The following PCM1 variants were observed in gnomAD, a reference collection of about 807,000 sequenced individuals.
The protein encoded by PCM1 is pericentriolar material 1.
A neutral mutation model predicts 241.9 loss-of-function variants in PCM1; 157 were observed. That is an observed-to-expected ratio of 0.65 (90% CI 0.57 to 0.74). PCM1 has a LOEUF of 0.74. Ranked by LOEUF, PCM1 falls within the 30% of genes least tolerant of loss-of-function variation. PCM1 has a pLI of 0.00. For missense variants in PCM1, 3,478 were observed against 2,360.1 expected (o/e 1.47, Z -9.81); for synonymous variants, 1,085 against 784.9 (o/e 1.38, Z -6.39).
intron 6 of PCM1, among the ~76,000 whole-genome samples, chr8:17,943,196 T>G (rs2062738031): frequency 6.6e-6 from 1 of 150,430 alleles, no homozygotes; most frequent in African/African-American, 2.4e-5. Flanking sequence ...TTTTTTTTTT[T>G]GGTGTGTGTG....
intron 23 of PCM1, 67 bp downstream of exon 23, chr8:17,972,754 CATAGAT>C (rs2077263732): frequency 6.3e-6 from 6 of 945,458 alleles, no homozygotes; most frequent in Admixed American, 3.1e-5. Flanking sequence ...GACATGTTGA[CATAGAT>C]ATAGTTTCAG....
At chr8:17,923,505 ATAC>A (rs1450196621) in intron 1 of PCM1, among the ~76,000 whole-genome samples, 1 of 152,082 alleles carries the variant, frequency 6.6e-6, no homozygotes, top group Non-Finnish European at 1.5e-5. Context: ...GGCTCCGGCT[ATAC>A]CCCTTGCGGG....
At chr8:17,936,339 G>A (rs1227166273) in intron 3 of PCM1, among the ~76,000 whole-genome samples, 2 of 151,914 alleles carry the variant, frequency 1.3e-5, no homozygotes, top group Non-Finnish European at 2.9e-5. Context: ...AAAGAAGGGG[G>A]TTTTGTTAAA....
intron 2 of PCM1, among the ~76,000 whole-genome samples, 197 bp from the exon 3 acceptor site, chr8:17,935,392 C>T (rs1166136836): frequency 6.6e-6 from 1 of 152,186 alleles, no homozygotes; most frequent in African/African-American, 2.4e-5. Context: ...CTCTGTCATT[C>T]CAACTACCTA....
rs750077281 is a variant in PCM1 at position 17,980,702 on chromosome 8, A to T, written c.4055A>T (p.His1352Leu). ...GCAAAAGTATTCAGCAGAAAGAATC[A>T]TGAGCAACTGGAAAAAATAATAAAA... The part of the protein sequence containing the change: ...VQAKVFSRKN[H>L]EQLEKIIKCN... Residue 1352 changes from histidine (H) to leucine (L), a missense_variant, in exon 24 of 39, where the codon CAT becomes CTT. Physicochemically the swap from His to Leu is moderately conservative, Grantham distance 99. Transcript: ENST00000325083. 6.2e-7 allele frequency: 1 copy of T among 1,612,926 alleles called. No individual in the cohort carries two copies.
intron 7 of PCM1, 72 bp downstream of exon 7, chr8:17,947,435 G>A: frequency 1.9e-6 from 2 of 1,049,658 alleles, no homozygotes; most frequent in East Asian, 4.9e-5. Context: ...GGTGGATGCT[G>A]ATTATTACAT....
At chr8:17,944,115 T>G (rs954479742) in intron 6 of PCM1, among the ~76,000 whole-genome samples, 1 of 152,184 alleles carries the variant, frequency 6.6e-6, no homozygotes, top group Non-Finnish European at 1.5e-5. Context: ...TTTATAAGCT[T>G]TCTTTGTACC....
At position 18,014,848 on chromosome 8, in the gene PCM1, T is replaced by C; in HGVS notation, c.5841+8T>C. On this transcript the variant is annotated splice_region_variant and intron_variant, in intron 36 of 38. Coordinates refer to ENST00000325083, the MANE Select transcript of PCM1 (RefSeq NM_006197.4). Reference sequence around the variant, plus strand: ...GTGTTAGTGAATGACTATGTATGTATCATTTACATTTCCAAATATTTTTAC... The same window carrying C: ...GTGTTAGTGAATGACTATGTATGTACCATTTACATTTCCAAATATTTTTAC... 1 of 1,564,820 alleles carries C rather than the reference T, an allele frequency of 6.4e-7. No homozygotes were observed. The highest frequency in any genetic ancestry group is 8.6e-7 in the Non-Finnish European group (1 of 1,157,460).
chr8:18,019,478 T>C (rs2093587768), intron 36 of PCM1, among the ~76,000 whole-genome samples: 1 of 152,174 alleles, frequency 6.6e-6, no homozygotes, highest in South Asian at 2.1e-4. Context: ...ATGAAATTGG[T>C]ATACAACTCA....
rs755182463 is a variant in PCM1, at chr8:17,937,136, T to C, written c.99T>C (p.Asp33=). The C allele has an allele frequency of 1.9e-6, 3 of 1,558,142 alleles. No individual in the cohort carries two copies. Among genetic ancestry groups the C allele is most frequent in the African/African-American group, 2.7e-5 (2 of 73,430 alleles). ...TTTTTGCTTTTACTTTTTTAAAGGA[T>C]TGGGGTGCCCAACAGAAGAAAGCAA... The part of the protein sequence containing the change: ...ENVDDRLNNM[D]WGAQQKKANR... The change falls in exon 4 of 39, where the codon GAT becomes GAC. Residue 33 remains aspartate (D), a splice_region_variant and synonymous_variant. Transcript: ENST00000325083.
At chr8:18,014,079 T>G (rs1159256222) in intron 35 of PCM1, 43 bp downstream of exon 35, 1 of 1,126,706 alleles carries the variant, frequency 8.9e-7, no homozygotes, top group Non-Finnish European at 1.3e-6. Flanking sequence ...ATAATTTCCT[T>G]TATTTGCTTT....
chr8:17,970,840 C>T (rs920156637), intron 22 of PCM1, among the ~76,000 whole-genome samples: 3 of 152,136 alleles, frequency 2.0e-5, no homozygotes, highest in African/African-American at 7.2e-5. Flanking sequence ...TGGCCTACTT[C>T]AGATTAGACC....
chr8:17,953,101 A>G lies in PCM1; in HGVS notation c.1203A>G (p.Arg401=). Residue 401 remains arginine (R), a synonymous_variant, in exon 9 of 39, where the codon AGA becomes AGG. Coordinates refer to ENST00000325083, the MANE Select transcript of PCM1 (RefSeq NM_006197.4). ...DEKVELFSKM[R]VLQEKKQKMD... is the part of the protein sequence containing the mutation. ...AAGTCGAACTTTTTAGCAAAATGAGAGTGCTACAGGAAAAGAAACAAAAAA... is the reference window on the plus strand; with the variant it reads ...AAGTCGAACTTTTTAGCAAAATGAGGGTGCTACAGGAAAAGAAACAAAAAA... 1.2e-6 allele frequency: 2 copies of G among 1,601,262 alleles called. No individual in the cohort carries two copies. Among genetic ancestry groups the G allele is most frequent in the South Asian group, 1.1e-5 (1 of 88,836 alleles).
chr8:17,933,313 A>T (rs1450481383), intron 2 of PCM1, among the ~76,000 whole-genome samples: 2 of 152,188 alleles, frequency 1.3e-5, no homozygotes, highest in African/African-American at 4.8e-5. Context: ...GCATTGTTGA[A>T]ACCATATAGA....
At chr8:17,926,014 A>G (rs2056811090) in intron 2 of PCM1, 1 of 151,592 alleles carries the variant, frequency 6.6e-6, no homozygotes, top group African/African-American at 2.4e-5. Flanking sequence ...TTTTTTTTAA[A>G]CTGGAAGACT....
Position 18,003,701 on chromosome 8 carries a change from C to T in PCM1, c.4828-2562C>T, listed in dbSNP as rs1193266930. On this transcript the variant is annotated intron_variant, in intron 29 of 38. Transcript: ENST00000325083. ...GATAAAAAGAATTTGAGGGATAAGG[C>T]ATAAATACATCAGTTTTACCAAGTG... Among the ~76,000 whole-genome samples the T allele has an allele frequency of 2.0e-5, 3 of 152,046 alleles. No homozygotes were observed. In the East Asian group the frequency reaches 5.8e-4, roughly 29 times the overall value.
chr8:17,939,559 C>A, intron 5 of PCM1, 132 bp from the exon 6 acceptor site: 1 of 465,592 alleles, frequency 2.1e-6, no homozygotes, highest in African/African-American at 2.0e-5. Context: ...TGTTAATTCA[C>A]ACAATAATCC....
At chr8:18,023,488 G>T (rs554101795) in intron 36 of PCM1, among the ~76,000 whole-genome samples, 1 of 152,300 alleles carries the variant, frequency 6.6e-6, no homozygotes, top group South Asian at 2.1e-4. Flanking sequence ...AATCTGAGAT[G>T]AGTCATTTGG....
Position 17,947,260 on chromosome 8 carries a change from G to T in PCM1, c.858G>T (p.Met286Ile), listed in dbSNP as rs554256136. The T allele has an allele frequency of 1.9e-6, 3 of 1,611,074 alleles. No homozygotes were observed. The African/African-American group carries it at 4.0e-5, about 21-fold the overall frequency. ...LKKQHDLLKR[M>I]LQQQEQLRAL... is the part of the protein sequence containing the mutation. ...AACAACATGATTTATTAAAAAGAAT[G>T]TTACAACAGCAGGAGCAACTAAGAG... Residue 286 changes from methionine (M) to isoleucine (I), a missense_variant, in exon 7 of 39, where the codon ATG (methionine) becomes ATT (isoleucine). By Grantham distance (10) the Met-to-Ile change is conservative. Transcript: ENST00000325083.
Sources: gnomAD v4.1 joint callset for allele counts (sites outside exome capture counted in the v4.1 genomes callset) on GRCh38, gnomAD v4.1.1 for gene constraint, MANE v1.5 for transcripts, NCBI Gene and HGNC (gene_info 2026-07-23, HGNC 2026-07-21) for gene names.